Variants in CDC25C observed in about 807,000 individuals in gnomAD.
CDC25C encodes the protein M-phase inducer phosphatase 3.
A neutral mutation model predicts 52.5 loss-of-function variants in CDC25C; 48 were observed. The ratio of observed to expected loss-of-function variants is 0.91; its 90% confidence interval spans 0.72 to 1.16. The LOEUF (loss-of-function observed/expected upper bound fraction) is 1.16, where lower values mean the gene tolerates loss of function less well. Among genes scored for constraint, CDC25C ranks in the 50% most tolerant of loss-of-function variants. CDC25C has a pLI of 0.00. For synonymous variants in CDC25C, 187 were observed against 206.5 expected (o/e 0.91, Z 0.81); for missense variants, 510 against 566.1 (o/e 0.90, Z 1.01).
At chr5:138,322,449 G>GTCCA (rs1759497072) in intron 6 of CDC25C, among the ~76,000 whole-genome samples, 2 of 141,284 alleles carry the variant, frequency 1.4e-5, no homozygotes, top group African/African-American at 5.3e-5. Context: ...ACAGATGCCT[G>GTCCA]CCACCACGCC....
chr5:138,301,216 A>C (rs1384284317), intron 7 of CDC25C, among the ~76,000 whole-genome samples: 3 of 152,252 alleles, frequency 2.0e-5, no homozygotes, highest in African/African-American at 7.2e-5. Context: ...ACCCAGACTT[A>C]TCAGGAATAA....
At chr5:138,295,811 T>G (rs2126681119) in intron 7 of CDC25C, among the ~76,000 whole-genome samples, 1 of 152,296 alleles carries the variant, frequency 6.6e-6, no homozygotes, top group African/African-American at 2.4e-5. Context: ...CAGGATCATC[T>G]GGCTTAGATA....
At chr5:138,337,041 G>A (rs1266009203) in intron 1 of CDC25C, 3 of 152,152 alleles carry the variant, frequency 2.0e-5, no homozygotes, top group African/African-American at 7.2e-5. Context: ...TTGCTGCTAA[G>A]TGTAATAGTG....
At chr5:138,320,162 G>A (rs548041998) in intron 6 of CDC25C, among the ~76,000 whole-genome samples, 9 of 152,104 alleles carry the variant, frequency 5.9e-5, no homozygotes, top group African/African-American at 7.2e-5. Flanking sequence ...AAAATTAGCC[G>A]GGCATGGTAG....
Position 138,307,999 on chromosome 5 carries a change from C to T in CDC25C, c.615+11220G>A, listed in dbSNP as rs555733254. Among the ~76,000 whole-genome samples, 6 of 152,200 alleles carry T rather than the reference C, an allele frequency of 3.9e-5. No homozygotes were observed. In the East Asian group the frequency reaches 5.8e-4, roughly 15 times the overall value. On this transcript the variant is annotated intron_variant, in intron 7 of 13. Coordinates refer to ENST00000323760, the MANE Select transcript of CDC25C (RefSeq NM_001790.5). Reference sequence around the variant, plus strand: ...ACCGGCAACCTAGATCCCTCGCATGCGCAGTTCACAAAAGAGTTTGCCTCC... The same window carrying T: ...ACCGGCAACCTAGATCCCTCGCATGTGCAGTTCACAAAAGAGTTTGCCTCC...
chr5:138,299,329 C>G (rs1276647054), intron 7 of CDC25C, among the ~76,000 whole-genome samples: 1 of 151,194 alleles, frequency 6.6e-6, no homozygotes, highest in Non-Finnish European at 1.5e-5. Context: ...AGCCCCATCT[C>G]TACTAAAAAT....
intron 11 of CDC25C, among the ~76,000 whole-genome samples, chr5:138,286,858 A>G (rs1267754233): frequency 6.6e-6 from 1 of 152,196 alleles, no homozygotes; most frequent in African/African-American, 2.4e-5. Context: ...GGAAGTATAG[A>G]GATCACTGCG....
rs1760317299 is a variant in CDC25C, at chr5:138,330,889, G to A, written c.194+98C>T. On this transcript the variant is annotated intron_variant, in intron 2 of 13. Coordinates refer to ENST00000323760, the MANE Select transcript of CDC25C (RefSeq NM_001790.5). ...AGGGCAGAGTTGAGACTTAAAGCCTGACCTTTGAGCCGGGATAATTGAAAA... is the reference window on the plus strand; with the variant it reads ...AGGGCAGAGTTGAGACTTAAAGCCTAACCTTTGAGCCGGGATAATTGAAAA... 3.6e-6 allele frequency: 3 copies of A among 827,670 alleles called. No individual in the cohort carries two copies. In the South Asian group the frequency reaches 4.7e-5, roughly 13 times the overall value. The allele number at this position is 827,670 out of a possible 1,614,324, so 51.3% of individuals were successfully genotyped here.
At chr5:138,332,880 A>T (rs1580835111), upstream of CDC25C, among the ~76,000 whole-genome samples, 2 of 152,178 alleles carry the variant, frequency 1.3e-5, no homozygotes, top group African/African-American at 4.8e-5. Flanking sequence ...ATTTGCTTTT[A>T]AATAATCCTG....
chr5:138,292,651 C>G (rs576076889), intron 7 of CDC25C, among the ~76,000 whole-genome samples: 5 of 152,090 alleles, frequency 3.3e-5, no homozygotes, highest in African/African-American at 1.2e-4. Context: ...AAATAGCATG[C>G]TGACCATTAT....
rs1484660883 is a variant in CDC25C, at chr5:138,313,834, T to A, written c.615+5385A>T. On this transcript the variant is annotated intron_variant, in intron 7 of 13. Transcript: ENST00000323760. ...CCTCCTTAGCATCTATAACTCAATG[T>A]CCAAAACAGAACACATCTATTCCCG... Among the ~76,000 whole-genome samples, 10 of 152,270 alleles carry A rather than the reference T, an allele frequency of 6.6e-5. No individual in the cohort carries two copies. In the East Asian group the frequency reaches 1.7e-3, roughly 26 times the overall value.
chr5:138,319,589 C>G (rs1479290595), intron 6 of CDC25C, among the ~76,000 whole-genome samples: 2 of 152,032 alleles, frequency 1.3e-5, no homozygotes, highest in African/African-American at 4.8e-5. Flanking sequence ...CAAAGAACAC[C>G]ATTAAGGGAA....
At chr5:138,293,892 C>T (rs1756947657) in intron 7 of CDC25C, among the ~76,000 whole-genome samples, 1 of 152,140 alleles carries the variant, frequency 6.6e-6, no homozygotes. Context: ...AGTGATCCAT[C>T]CGCCTTGGCC....
chr5:138,288,305 C>G (rs1027995253), intron 10 of CDC25C, among the ~76,000 whole-genome samples: 5 of 152,176 alleles, frequency 3.3e-5, no homozygotes, highest in Admixed American at 3.3e-4. Flanking sequence ...GAACTCCCAA[C>G]CTCAGGTGAT....
chr5:138,290,873 T>C (rs568590253), intron 8 of CDC25C, 133 bp from the exon 9 acceptor site: 40 of 604,500 alleles, frequency 6.6e-5, no homozygotes, highest in Non-Finnish European at 1.2e-4. Context: ...GGAGATCACT[T>C]GAGCCCAGGA....
intron 7 of CDC25C, among the ~76,000 whole-genome samples, chr5:138,314,603 CTT>C (rs907033621): frequency 1.3e-4 from 15 of 114,706 alleles, no homozygotes; most frequent in African/African-American, 4.7e-4. Context: ...GCCTATAGCA[CTT>C]TTTTTTTTTT....
intron 7 of CDC25C, among the ~76,000 whole-genome samples, chr5:138,302,517 T>A (rs183893063): frequency 5.7e-4 from 86 of 150,826 alleles, no homozygotes; most frequent in Admixed American, 1.4e-3. Flanking sequence ...CTAACCAACA[T>A]AGAGAAACCC....
Position 138,319,342 on chromosome 5 carries a change from T to A in CDC25C, c.492A>T (p.Lys164Asn). ...CAGTAGTAATGGGACTGCCCAAATA[T>A]TTCATTTCACTGTCCACCAAGTTTC... ...DNGNLVDSEM[K>N]YLGSPITTVP... Residue 164 changes from lysine to asparagine, a missense_variant, in exon 7 of 14, where the codon AAA (lysine) becomes AAT (asparagine). Lys to Asn is a moderately conservative substitution (Grantham distance 94). Coordinates refer to ENST00000323760, the MANE Select transcript of CDC25C (RefSeq NM_001790.5). 6.2e-7 allele frequency: 1 copy of A among 1,613,474 alleles called. No homozygotes were observed. Among genetic ancestry groups the A allele is most frequent in the East Asian group, 2.2e-5 (1 of 44,824 alleles).
At chr5:138,298,477 C>T (rs544322159) in intron 7 of CDC25C, among the ~76,000 whole-genome samples, 4 of 152,210 alleles carry the variant, frequency 2.6e-5, no homozygotes, top group South Asian at 4.1e-4. Context: ...CCTCGCCAGG[C>T]GCAGTGGCTC....
Sources: gnomAD v4.1 joint callset for allele counts (sites outside exome capture counted in the v4.1 genomes callset) on GRCh38, gnomAD v4.1.1 for gene constraint, MANE v1.5 for transcripts, NCBI Gene and HGNC (gene_info 2026-07-23, HGNC 2026-07-21) for gene names.